Variants in OXCT1 observed in about 807,000 individuals in gnomAD.
OXCT1 encodes succinyl-CoA:3-ketoacid coenzyme A transferase 1, mitochondrial.
Under a neutral mutation model 69.6 loss-of-function variants are expected in OXCT1, and 27 were observed. That is an observed-to-expected ratio of 0.39 (90% CI 0.29 to 0.54). The LOEUF (loss-of-function observed/expected upper bound fraction) is 0.54, where lower values mean the gene tolerates loss of function less well. Ranked by LOEUF, OXCT1 falls within the 20% of genes least tolerant of loss-of-function variation. OXCT1 has a pLI of 0.72. For missense variants in OXCT1, 437 were observed against 650.2 expected (o/e 0.67, Z 3.57); for synonymous variants, 202 against 217.8 (o/e 0.93, Z 0.64).
At chr5:41,736,400 C>T (rs2111980017) in intron 16 of OXCT1, among the ~76,000 whole-genome samples, 1 of 152,288 alleles carries the variant, frequency 6.6e-6, no homozygotes, top group East Asian at 1.9e-4. Context: ...CTGTGACAGT[C>T]ATTACAGGTT....
intron 3 of OXCT1, among the ~76,000 whole-genome samples, chr5:41,856,720 G>A (rs1461014901): frequency 6.6e-6 from 1 of 152,148 alleles, no homozygotes; most frequent in Non-Finnish European, 1.5e-5. Context: ...AGAAATAGCT[G>A]CATGACTTAC....
Position 41,739,491 on chromosome 5 carries a change from C to T in OXCT1, c.1420G>A (p.Ala474Thr). Reference protein sequence around the residue: ...QCVNRIITEKAVFDVDKKKGL... With the variant: ...QCVNRIITEKTVFDVDKKKGL... ...TTCTTCTTGTCCACATCAAACACAG[C>T]CTGTCAGAGTGGGAAGAAAAAGGAC... The change falls in exon 16 of 17, where the codon GCT becomes ACT. Residue 474 changes from alanine to threonine, a missense_variant and splice_region_variant. Around this residue, in one of 4 missense-constraint regions of OXCT1, gnomAD observed 102 missense variants for 162.1 expected, o/e 0.63. Coordinates refer to ENST00000196371, the MANE Select transcript of OXCT1 (RefSeq NM_000436.4). The T allele has an allele frequency of 6.2e-7, 1 of 1,602,518 alleles. No individual in the cohort carries two copies. Among genetic ancestry groups the T allele is most frequent in the Non-Finnish European group, 8.6e-7 (1 of 1,169,494 alleles).
intron 13 of OXCT1, among the ~76,000 whole-genome samples, chr5:41,779,957 T>C (rs1171507224): frequency 1.3e-5 from 2 of 152,138 alleles, no homozygotes; most frequent in Non-Finnish European, 2.9e-5. Context: ...TTAAATGATT[T>C]TATAATAAGG....
At chr5:41,858,674 TC>T (rs1358981637) in intron 3 of OXCT1, among the ~76,000 whole-genome samples, 1 of 152,206 alleles carries the variant, frequency 6.6e-6, no homozygotes, top group Non-Finnish European at 1.5e-5. Flanking sequence ...ATGCTCTGAA[TC>T]TGAAATTTAA....
At chr5:41,843,412 G>A (rs1021935474) in intron 5 of OXCT1, among the ~76,000 whole-genome samples, 32 of 152,040 alleles carry the variant, frequency 2.1e-4, no homozygotes, top group African/African-American at 7.5e-4. Context: ...TTTATTTATA[G>A]GTACTTAGTG....
At chr5:41,760,673 T>C (rs570588610) in intron 14 of OXCT1, among the ~76,000 whole-genome samples, 2 of 152,282 alleles carry the variant, frequency 1.3e-5, no homozygotes, top group East Asian at 3.9e-4. Flanking sequence ...CAAATAGACA[T>C]TATTTTCCAG....
At chr5:41,753,695 C>T (rs1365231230) in intron 14 of OXCT1, among the ~76,000 whole-genome samples, 1 of 152,082 alleles carries the variant, frequency 6.6e-6, no homozygotes, top group Non-Finnish European at 1.5e-5. Context: ...CTTGCCACCA[C>T]CTCCATTAGA....
At chr5:41,732,007 G>A (rs1285602287) in intron 16 of OXCT1, among the ~76,000 whole-genome samples, 3 of 152,112 alleles carry the variant, frequency 2.0e-5, no homozygotes, top group African/African-American at 7.2e-5. Context: ...GGATGAACAA[G>A]GCTGGCAACA....
At chr5:41,814,138 A>G (rs914072283) in intron 7 of OXCT1, among the ~76,000 whole-genome samples, 1 of 152,052 alleles carries the variant, frequency 6.6e-6, no homozygotes, top group South Asian at 2.1e-4. Context: ...GGGAAAAAAA[A>G]AACAGGTAAA....
At chr5:41,813,939 A>G (rs1747107271) in intron 7 of OXCT1, among the ~76,000 whole-genome samples, 1 of 152,086 alleles carries the variant, frequency 6.6e-6, no homozygotes, top group Non-Finnish European at 1.5e-5. Flanking sequence ...TGTACTATTA[A>G]CTATATAAAT....
intron 14 of OXCT1, among the ~76,000 whole-genome samples, chr5:41,753,924 T>C (rs1265289116): frequency 6.6e-6 from 1 of 152,028 alleles, no homozygotes; most frequent in Admixed American, 6.6e-5. Context: ...CTGAGCTCAC[T>C]AGAAGCAGCA....
chr5:41,855,765 G>A (rs1462148566), intron 3 of OXCT1, among the ~76,000 whole-genome samples: 1 of 152,204 alleles, frequency 6.6e-6, no homozygotes. Context: ...ACAACAGAGG[G>A]AGAGACATGC....
chr5:41,767,862 C>T (rs1372325094), intron 13 of OXCT1, among the ~76,000 whole-genome samples: 1 of 151,136 alleles, frequency 6.6e-6, no homozygotes, highest in Non-Finnish European at 1.5e-5. Context: ...GTCCTGGTTC[C>T]TCCTACTGCT....
chr5:41,816,725 G>T (rs915866180), intron 7 of OXCT1, among the ~76,000 whole-genome samples: 1 of 152,052 alleles, frequency 6.6e-6, no homozygotes, highest in Non-Finnish European at 1.5e-5. Flanking sequence ...ACCCCCTTAA[G>T]ATCACTATCT....
At chr5:41,735,902 T>C (rs181015314) in intron 16 of OXCT1, among the ~76,000 whole-genome samples, 312 of 152,348 alleles carry the variant, frequency 2.0e-3, no homozygotes, top group African/African-American at 7.1e-3. Context: ...GCCATGTGGA[T>C]GGAAGCTCAG....
At position 41,792,186 on chromosome 5, in the gene OXCT1, A is replaced by G. The variant is rs78912227; in HGVS notation, c.1248+1817T>C. ...CTATGTACTTTGTATGCATTGTCAC[A>G]TGTATTCCTTCATATAGTCCTATAA... On this transcript the variant is annotated intron_variant, in intron 13 of 16. Coordinates refer to ENST00000196371, the MANE Select transcript of OXCT1 (RefSeq NM_000436.4). Among the ~76,000 whole-genome samples, 949 of 152,346 alleles carry G rather than the reference A, an allele frequency of 6.2e-3. 10 individuals are homozygous for G. The highest frequency in any genetic ancestry group is 0.022 in the African/African-American group (903 of 41,584).
intron 12 of OXCT1, 85 bp downstream of exon 12, chr5:41,794,592 G>T: frequency 7.9e-7 from 1 of 1,260,150 alleles, no homozygotes; most frequent in Non-Finnish European, 1.1e-6. Flanking sequence ...ATGTGGCTGT[G>T]TTTCAGAGCC....
At chr5:41,782,213 G>A (rs1442030488) in intron 13 of OXCT1, among the ~76,000 whole-genome samples, 1 of 149,506 alleles carries the variant, frequency 6.7e-6, no homozygotes, top group African/African-American at 2.5e-5. Context: ...GATCAGTGAT[G>A]TTGAGCTTTT....
chr5:41,829,620 T>C (rs941070309), intron 7 of OXCT1, among the ~76,000 whole-genome samples: 4 of 152,208 alleles, frequency 2.6e-5, no homozygotes, highest in Non-Finnish European at 4.4e-5. Context: ...TATATTTTTA[T>C]CACCAATAAA....
Sources: gnomAD v4.1 joint callset for allele counts (sites outside exome capture counted in the v4.1 genomes callset) on GRCh38, gnomAD v4.1.1 for gene constraint, gnomAD v4.1.1 regional missense constraint, MANE v1.5 for transcripts, NCBI Gene and HGNC (gene_info 2026-07-23, HGNC 2026-07-21) for gene names.